Variants in SLC48A1 observed in about 807,000 individuals in gnomAD.
The protein encoded by SLC48A1 is solute carrier family 48 member 1.
In SLC48A1, 6 loss-of-function variants were observed where a neutral mutation model predicts 14.8. The observed-to-expected ratio is 0.41, with a 90% CI of 0.22 to 0.80. SLC48A1 has a LOEUF of 0.80. Ranked by LOEUF, SLC48A1 falls within the 30% of genes least tolerant of loss-of-function variation. The pLI is 0.34. For missense variants in SLC48A1, 165 were observed against 204.8 expected (o/e 0.81, Z 1.19); for synonymous variants, 89 against 90.0 (o/e 0.99, Z 0.06).
upstream of SLC48A1, among the ~76,000 whole-genome samples, chr12:47,766,713 A>T (rs915256060): frequency 6.6e-6 from 1 of 151,872 alleles, no homozygotes; most frequent in African/African-American, 2.4e-5. Context: ...GAGTTCAAAG[A>T]CCTGCTGTTT....
chr12:47,754,276 G>C (rs972497601), upstream of SLC48A1, among the ~76,000 whole-genome samples: 4 of 152,370 alleles, frequency 2.6e-5, no homozygotes, highest in East Asian at 7.7e-4. Flanking sequence ...ACAGACAGTA[G>C]AGGTATTCTG....
At chr12:47,778,398 C>T (rs1326638157) in intron 1 of SLC48A1, 2 of 152,426 alleles carry the variant, frequency 1.3e-5, no homozygotes, top group South Asian at 2.1e-4. Flanking sequence ...GCTGGACCTC[C>T]TCATCCTGCA....
chr12:47,772,552 A>G (rs58208189), upstream of SLC48A1, among the ~76,000 whole-genome samples: 1,756 of 152,244 alleles, frequency 0.012, 41 homozygotes, highest in African/African-American at 0.04. Flanking sequence ...GGTGGCACAC[A>G]CCTGTAGTCC....
upstream of SLC48A1, chr12:47,771,130 G>GT: frequency 3.5e-6 from 1 of 282,726 alleles, no homozygotes; most frequent in South Asian, 3.1e-5. Flanking sequence ...GGTGGGGCTG[G>GT]GTTTATTTTT....
At chr12:47,759,233 C>T in intron 1 of SLC48A1, 1 of 432,422 alleles carries the variant, frequency 2.3e-6, no homozygotes. Context: ...GGGTGAGTCA[C>T]TGCGGCCTCA....
rs918989684 is a variant in SLC48A1, at chr12:47,773,243, C to T, written c.-62C>T. The T allele has an allele frequency of 2.5e-6, 3 of 1,178,748 alleles. No individual in the cohort carries two copies. Among genetic ancestry groups the T allele is most frequent in the African/African-American group, 3.2e-5 (2 of 61,580 alleles). The allele number at this position is 1,178,748 out of a possible 1,614,324, so 73.0% of individuals were successfully genotyped here. On this transcript the variant is annotated 5_prime_UTR_variant, in exon 1 of 3. Coordinates refer to ENST00000442218, the MANE Select transcript of SLC48A1 (RefSeq NM_017842.3). The stretch of plus-strand genomic sequence containing the variant: ...CTCCCGCGGCTCCGGCTGGCGGCTT[C>T]GGGCCCTGCACCTGTGACTCTCGGC...
chr12:47,758,093 G>A, upstream of SLC48A1: 3 of 1,554,192 alleles, frequency 1.9e-6, no homozygotes, highest in Non-Finnish European at 2.6e-6. Flanking sequence ...GACACGGGGA[G>A]GAAAGTGGAC....
chr12:47,767,389 T>C (rs2136852848), upstream of SLC48A1, among the ~76,000 whole-genome samples: 1 of 152,302 alleles, frequency 6.6e-6, no homozygotes, highest in African/African-American at 2.4e-5. Flanking sequence ...ATGTATTGAA[T>C]ATTTATTGAG....
At chr12:47,774,241 C>T (rs1592606262) in intron 1 of SLC48A1, among the ~76,000 whole-genome samples, 1 of 152,338 alleles carries the variant, frequency 6.6e-6, no homozygotes, top group East Asian at 1.9e-4. Flanking sequence ...AACCTCTCTG[C>T]GCCATAGAAT....
upstream of SLC48A1, chr12:47,757,958 T>A: frequency 1.3e-6 from 2 of 1,560,838 alleles, no homozygotes; most frequent in African/African-American, 1.4e-5. Context: ...CTCAACACCA[T>A]GTTGAGTAGT....
upstream of SLC48A1, chr12:47,773,222 C>A (rs1942664477): frequency 8.2e-6 from 9 of 1,098,640 alleles, no homozygotes; most frequent in Non-Finnish European, 1.0e-5. Flanking sequence ...TGGCGGCTCC[C>A]GCGGCTCCGG....
At chr12:47,769,899 T>A (rs1942594811), upstream of SLC48A1, among the ~76,000 whole-genome samples, 1 of 152,194 alleles carries the variant, frequency 6.6e-6, no homozygotes, top group Non-Finnish European at 1.5e-5. Flanking sequence ...TTTAAATTAA[T>A]TTAAATTAAA....
chr12:47,767,890 A>C (rs537190577), upstream of SLC48A1, among the ~76,000 whole-genome samples: 1 of 152,354 alleles, frequency 6.6e-6, no homozygotes, highest in Non-Finnish European at 1.5e-5. Flanking sequence ...GCAAGACCCC[A>C]ATCAATTTAC....
intron 1 of SLC48A1, among the ~76,000 whole-genome samples, chr12:47,776,995 G>A (rs74687168): frequency 4.9e-4 from 74 of 152,314 alleles, no homozygotes; most frequent in African/African-American, 1.7e-3. Context: ...AGGGCGAGGG[G>A]ACCTGTTCCA....
At chr12:47,774,770 C>G (rs547927496) in intron 1 of SLC48A1, among the ~76,000 whole-genome samples, 182 of 152,200 alleles carry the variant, frequency 1.2e-3, no homozygotes, top group African/African-American at 3.7e-3. Flanking sequence ...CTCTGCCTGC[C>G]CAGCTGCCTC....
Position 47,763,009 on chromosome 12 carries a change from G to A in SLC48A1, c.-187+2608G>A, listed in dbSNP as rs189857516. On this transcript the variant is annotated intron_variant, in intron 2 of 4. Transcript: ENST00000547002. ...TTTTATCTCCCTAATACAATAATCTGATTGGCTCTCCCTCCCCAGCACAGT... is the reference window on the plus strand; with the variant it reads ...TTTTATCTCCCTAATACAATAATCTAATTGGCTCTCCCTCCCCAGCACAGT... Among the ~76,000 whole-genome samples the A allele has an allele frequency of 4.6e-5, 7 of 152,328 alleles. 1 individual carries two copies. Among genetic ancestry groups the A allele is most frequent in the African/African-American group, 1.7e-4 (7 of 41,566 alleles).
intron 1 of SLC48A1, among the ~76,000 whole-genome samples, chr12:47,774,566 C>T (rs1370310175): frequency 1.3e-5 from 2 of 152,196 alleles, no homozygotes; most frequent in African/African-American, 4.8e-5. Context: ...GCCAAAAGAA[C>T]CCTAAATGGA....
At chr12:47,780,027 T>G in intron 2 of SLC48A1, 118 bp from the exon 3 acceptor site, 2 of 1,295,980 alleles carry the variant, frequency 1.5e-6, no homozygotes, top group East Asian at 2.6e-5. Context: ...AAGGGTTGGT[T>G]CAGCTGCCAG....
At chr12:47,755,016 T>C (rs948325788), upstream of SLC48A1, among the ~76,000 whole-genome samples, 1 of 152,158 alleles carries the variant, frequency 6.6e-6, no homozygotes, top group East Asian at 1.9e-4. Context: ...CCTTGGGCCA[T>C]AGCTAAGGTG....
Sources: allele counts gnomAD v4.1 joint callset (sites outside exome capture counted in the v4.1 genomes callset), GRCh38; gene constraint gnomAD v4.1.1; transcripts MANE v1.5; gene names NCBI Gene and HGNC (gene_info 2026-07-23, HGNC 2026-07-21).